RBFOX1: variants seen among roughly 807,000 people sequenced by gnomAD.
RBFOX1 encodes the protein RNA binding fox-1 homolog 1.
Under a neutral mutation model 57.7 loss-of-function variants are expected in RBFOX1, and 8 were observed. The ratio of observed to expected loss-of-function variants is 0.14; its 90% CI spans 0.08 to 0.25. The LOEUF is 0.25. Among genes scored for constraint, RBFOX1 ranks in the 10% least tolerant of loss-of-function variants. RBFOX1 has a pLI of 1.00. For synonymous variants in RBFOX1, 326 were observed against 222.4 expected (o/e 1.47, Z -4.15); for missense variants, 611 against 548.5 (o/e 1.11, Z -1.14).
At chr16:7,262,808 A>G (rs551510033) in intron 4 of RBFOX1, among the ~76,000 whole-genome samples, 1 of 152,216 alleles carries the variant, frequency 6.6e-6, no homozygotes, top group African/African-American at 2.4e-5. Context: ...TTCTTTTTCT[A>G]AGTTAGTGCT....
At chr16:6,306,762 G>T (rs1044529232) in intron 1 of RBFOX1, among the ~76,000 whole-genome samples, 2 of 152,158 alleles carry the variant, frequency 1.3e-5, no homozygotes, top group African/African-American at 4.8e-5. Context: ...GAACCTAAAA[G>T]AATCTGTCTG....
chr16:5,662,354 T>A (rs2151391259), intron 3 of RBFOX1, among the ~76,000 whole-genome samples: 1 of 152,314 alleles, frequency 6.6e-6, no homozygotes, highest in South Asian at 2.1e-4. Context: ...GAAATTAAAA[T>A]GAGAACTTTC....
chr16:6,453,285 C>T (rs914201062), intron 2 of RBFOX1, among the ~76,000 whole-genome samples: 1 of 152,078 alleles, frequency 6.6e-6, no homozygotes, highest in African/African-American at 2.4e-5. Context: ...TTGACAGGCC[C>T]CGGTGTGTGA....
chr16:6,424,548 C>A (rs2093867514), intron 2 of RBFOX1, among the ~76,000 whole-genome samples: 1 of 151,842 alleles, frequency 6.6e-6, no homozygotes, highest in Non-Finnish European at 1.5e-5. Context: ...AAAGAATTAT[C>A]CAACTTCACT....
chr16:5,820,664 C>T (rs2055815384), intron 3 of RBFOX1, among the ~76,000 whole-genome samples: 1 of 152,168 alleles, frequency 6.6e-6, no homozygotes. Context: ...GAAATCATTC[C>T]TCTGAAGTGC....
intron 1 of RBFOX1, among the ~76,000 whole-genome samples, chr16:5,295,426 G>C (rs2063642253): frequency 6.6e-6 from 1 of 152,228 alleles, no homozygotes; most frequent in African/African-American, 2.4e-5. Context: ...TGTGGGTCAG[G>C]AATCTAGGCG....
At chr16:6,765,503 A>C (rs959920956) in intron 3 of RBFOX1, among the ~76,000 whole-genome samples, 1 of 151,058 alleles carries the variant, frequency 6.6e-6, no homozygotes, top group African/African-American at 2.4e-5. Context: ...ACAAACCTGC[A>C]CATGTACACC....
chr16:5,258,903 C>T (rs1195055772), intron 1 of RBFOX1, among the ~76,000 whole-genome samples: 6 of 150,630 alleles, frequency 4.0e-5, no homozygotes, highest in South Asian at 2.1e-4. Flanking sequence ...GTGGCAAGAA[C>T]GAATCTCTGA....
chr16:5,337,495 T>C (rs17137852), intron 1 of RBFOX1, among the ~76,000 whole-genome samples: 4,458 of 152,306 alleles, frequency 0.029, 206 homozygotes, highest in African/African-American at 0.1. Context: ...AATTGTCCCT[T>C]CTCAGACTAC....
intron 3 of RBFOX1, among the ~76,000 whole-genome samples, chr16:6,691,545 A>ACATTACACGCGTTATATGTAT (rs2060209476): frequency 6.6e-6 from 1 of 152,176 alleles, no homozygotes; most frequent in Non-Finnish European, 1.5e-5. Flanking sequence ...TCCCGTTATC[A>ACATTACACGCGTTATATGTAT]CATTACACGC....
chr16:7,423,316 C>G (rs1291133792), intron 4 of RBFOX1, among the ~76,000 whole-genome samples: 2 of 151,668 alleles, frequency 1.3e-5, no homozygotes, highest in African/African-American at 4.9e-5. Flanking sequence ...CTCACCAGTT[C>G]TAAACACAAA....
chr16:7,349,627 A>G (rs2097090664), intron 4 of RBFOX1, among the ~76,000 whole-genome samples: 4 of 152,064 alleles, frequency 2.6e-5, no homozygotes, highest in Admixed American at 1.3e-4. Context: ...GACATACCAC[A>G]TCCGCTTGAG....
intron 1 of RBFOX1, among the ~76,000 whole-genome samples, chr16:6,089,170 C>T (rs569878785): frequency 6.4e-4 from 97 of 151,532 alleles, no homozygotes; most frequent in African/African-American, 2.1e-3. Context: ...TAAGATGCTG[C>T]GAGAATTGCT....
chr16:6,219,264 C>T (rs989031459), intron 1 of RBFOX1, among the ~76,000 whole-genome samples: 7 of 151,890 alleles, frequency 4.6e-5, no homozygotes, highest in Non-Finnish European at 1.0e-4. Context: ...AGCCCAGGAG[C>T]TCAAGACCAG....
At chr16:6,264,353 A>C (rs1399565040) in intron 1 of RBFOX1, among the ~76,000 whole-genome samples, 2 of 152,194 alleles carry the variant, frequency 1.3e-5, no homozygotes, top group African/African-American at 4.8e-5. Context: ...CTGGGTATGC[A>C]GTGGGCTCCA....
At chr16:5,275,792 C>T (rs567002791) in intron 1 of RBFOX1, among the ~76,000 whole-genome samples, 1 of 152,314 alleles carries the variant, frequency 6.6e-6, no homozygotes, top group South Asian at 2.1e-4. Flanking sequence ...AACTATATTA[C>T]AAGGCTATAG....
intron 4 of RBFOX1, among the ~76,000 whole-genome samples, chr16:5,975,731 C>G (rs17718492): frequency 1.1e-4 from 17 of 152,252 alleles, no homozygotes; most frequent in African/African-American, 4.1e-4. Context: ...CTTGGGGTTG[C>G]AATCTAGGTT....
chr16:6,125,301 G>A (rs973273434), intron 1 of RBFOX1, among the ~76,000 whole-genome samples: 1 of 152,150 alleles, frequency 6.6e-6, no homozygotes, highest in African/African-American at 2.4e-5. Flanking sequence ...GGATAGAGAT[G>A]GAGGAGAAGA....
chr16:6,428,469 G>A (rs1364197752), intron 2 of RBFOX1, among the ~76,000 whole-genome samples: 1 of 151,964 alleles, frequency 6.6e-6, no homozygotes, highest in Non-Finnish European at 1.5e-5. Flanking sequence ...TTTTTATTCT[G>A]TATAATAGAG....
Sources: allele counts gnomAD v4.1 joint callset (sites outside exome capture counted in the v4.1 genomes callset), GRCh38; gene constraint gnomAD v4.1.1; transcripts MANE v1.5; gene names NCBI Gene and HGNC (gene_info 2026-07-23, HGNC 2026-07-21).